The following BEND3 variants were observed in gnomAD, a reference collection of about 807,000 sequenced individuals.
The protein encoded by BEND3 is BEN domain containing 3.
BEND3 carries 13 observed loss-of-function variants against 60.1 expected under a neutral mutation model. That is an observed-to-expected ratio of 0.22 (90% CI 0.14 to 0.34). The LOEUF is 0.34. Among genes scored for constraint, BEND3 ranks in the 10% least tolerant of loss-of-function variants. BEND3 has a pLI of 1.00. For synonymous variants in BEND3, 497 were observed against 491.5 expected (o/e 1.01, Z -0.15); for missense variants, 896 against 1,138.1 (o/e 0.79, Z 3.06).
Position 107,068,278 on chromosome 6 carries a change from G to C in BEND3, c.*426C>G, listed in dbSNP as rs1554231132. The C allele has an allele frequency of 6.4e-6, 1 of 156,848 alleles. No homozygotes were observed. The highest frequency in any genetic ancestry group is 6.4e-5 in the Admixed American group (1 of 15,574). 9.7% of individuals were successfully genotyped at this position (156,848 alleles called of 1,614,324 possible). ...TAAAATGGCCCCCAAAGAGCCCAATGATTTTTTTTAAGGGTTTCTTTTTAA... is the reference window on the plus strand; with the variant it reads ...TAAAATGGCCCCCAAAGAGCCCAATCATTTTTTTTAAGGGTTTCTTTTTAA... On this transcript the variant is annotated 3_prime_UTR_variant, in exon 4 of 4. Transcript: ENST00000369042. This position sits in a 1 kb window ranked among gnomAD's most constrained non-coding sequence, Gnocchi z 5.8.
intron 1 of BEND3, among the ~76,000 whole-genome samples, chr6:107,114,862 T>G (rs1415749554): frequency 6.7e-6 from 1 of 148,410 alleles, no homozygotes; most frequent in African/African-American, 2.4e-5. Context: ...CGCAGCACAA[T>G]GGGCGCGGCG....
intron 3 of BEND3, among the ~76,000 whole-genome samples, chr6:107,081,793 T>A (rs868969028): frequency 2.0e-4 from 30 of 150,072 alleles, no homozygotes; most frequent in African/African-American, 4.7e-4. Context: ...AAAAAAAAAA[T>A]AAATAAAGGA....
At chr6:107,106,813 G>A (rs1368515600) in intron 1 of BEND3, among the ~76,000 whole-genome samples, 1 of 152,034 alleles carries the variant, frequency 6.6e-6, no homozygotes, top group Non-Finnish European at 1.5e-5. Flanking sequence ...TCCAGGTGTT[G>A]CCCAAAATGG....
In BEND3 at chr6:107,066,826, G is replaced by A. The variant is rs1434841421; in HGVS notation, c.*1878C>T. On this transcript the variant is annotated 3_prime_UTR_variant, in exon 4 of 4. Coordinates refer to ENST00000369042, the MANE Select transcript of BEND3 (RefSeq NM_001367314.1). ...GACTAAGGCATAGAGAAGGGCCCAAGCGAGGGGGGAAAGTGAGTCTCCTGG... is the reference window on the plus strand; with the variant it reads ...GACTAAGGCATAGAGAAGGGCCCAAACGAGGGGGGAAAGTGAGTCTCCTGG... 6.6e-6 allele frequency: 1 copy of A among 152,662 alleles called. No individual in the cohort carries two copies. Among genetic ancestry groups the A allele is most frequent in the Non-Finnish European group, 1.5e-5 (1 of 68,066 alleles). 9.5% of individuals were successfully genotyped at this position (152,662 alleles called of 1,614,324 possible).
In BEND3 at chr6:107,098,845, G is replaced by A. The variant is rs1368905209; in HGVS notation, c.38-92C>T. 23 of 1,034,422 alleles carry A rather than the reference G, an allele frequency of 2.2e-5. No individual in the cohort carries two copies. In the Admixed American group the frequency reaches 2.4e-4, roughly 11 times the overall value. The allele number at this position is 1,034,422 out of a possible 1,614,324, so 64.1% of individuals were successfully genotyped here. ...CTGAGCAGCAGGGTGTCTGTGGGCCGCCCTTTGACACCAGTGCTGAGATAA... is the reference window on the plus strand; with the variant it reads ...CTGAGCAGCAGGGTGTCTGTGGGCCACCCTTTGACACCAGTGCTGAGATAA... On this transcript the variant is annotated intron_variant, in intron 2 of 3. Transcript: ENST00000369042.
At position 107,073,237 on chromosome 6, in the gene BEND3, ATATATATATATATATATATATATATATG is replaced by A. The variant is rs1258846071; in HGVS notation, c.241-2315_241-2288del. On this transcript the variant is annotated intron_variant, in intron 3 of 3. Coordinates refer to ENST00000369042, the MANE Select transcript of BEND3 (RefSeq NM_001367314.1). ...TATATATATATATATATATATATATATATATATATATATATATATATATATATGTATGTGAGCAAATGGTCAGTGGCAA... is the reference window on the plus strand; with the variant it reads ...TATATATATATATATATATATATATATATGTGAGCAAATGGTCAGTGGCAA... 3.4e-3 allele frequency among the ~76,000 whole-genome samples: 56 copies of A among 16,620 alleles called. 3 individuals carry two copies. The highest frequency in any genetic ancestry group is 5.6e-3 in the Non-Finnish European group (31 of 5,508). 10.9% of individuals were successfully genotyped at this position (16,620 alleles called of 152,430 possible).
chr6:107,070,953 G>A lies in BEND3; in HGVS notation c.241-3C>T. On this transcript the variant is annotated splice_region_variant and splice_polypyrimidine_tract_variant and intron_variant, in intron 3 of 3. Transcript: ENST00000369042. This position sits in a 1 kb window ranked among gnomAD's most constrained non-coding sequence, Gnocchi z 6.9. The stretch of plus-strand genomic sequence containing the variant: ...TTCCGCATGCCTGCTAGGAGAGCCT[G>A]CAAAACAAAAATCATTTCCCAGAGT... The A allele has an allele frequency of 1.3e-6, 2 of 1,598,394 alleles. No individual in the cohort carries two copies. The highest frequency in any genetic ancestry group is 1.7e-6 in the Non-Finnish European group (2 of 1,172,718).
chr6:107,083,534 G>A (rs770640826), intron 3 of BEND3, among the ~76,000 whole-genome samples: 33 of 152,094 alleles, frequency 2.2e-4, no homozygotes, highest in Non-Finnish European at 2.9e-4. Context: ...ATATTTGGGA[G>A]GCTGAGGTGG....
intron 3 of BEND3, among the ~76,000 whole-genome samples, chr6:107,090,867 T>G (rs1480662199): frequency 2.0e-5 from 3 of 151,958 alleles, no homozygotes; most frequent in Admixed American, 6.6e-5. Context: ...TCCCAGCACT[T>G]TGGAAGGCAG....
chr6:107,069,716 T>G lies in BEND3; in HGVS notation c.1475A>C (p.Asp492Ala), dbSNP rs1554231577. The G allele has an allele frequency of 6.2e-7, 1 of 1,609,312 alleles. No homozygotes were observed. Among genetic ancestry groups the G allele is most frequent in the South Asian group, 1.1e-5 (1 of 90,988 alleles). ...GLGLDAGSEG[D>A]PPRDDCYDSS... The stretch of plus-strand genomic sequence containing the variant: ...GTCGTAGCAGTCATCACGCGGGGGG[T>G]CGCCTTCACTGCCCGCGTCCAGCCC... The change falls in exon 4 of 4, where the codon GAC (aspartate) becomes GCC (alanine). Residue 492 changes from aspartate to alanine, a missense_variant. This residue lies in a region of BEND3 where 846 missense variants were observed against 1,036.7 expected (regional missense o/e 0.82). Coordinates refer to ENST00000369042, the MANE Select transcript of BEND3 (RefSeq NM_001367314.1).
At chr6:107,085,887 C>T (rs1224936920) in intron 3 of BEND3, among the ~76,000 whole-genome samples, 5 of 151,276 alleles carry the variant, frequency 3.3e-5, no homozygotes, top group Non-Finnish European at 7.4e-5. Context: ...CCTGAGTTCA[C>T]GCCATTCTCC....
At chr6:107,082,708 C>A (rs1252154305) in intron 3 of BEND3, among the ~76,000 whole-genome samples, 1 of 152,152 alleles carries the variant, frequency 6.6e-6, no homozygotes, top group Admixed American at 6.5e-5. Flanking sequence ...GGATTACAGG[C>A]GTGAGCAACC....
chr6:107,090,810 C>G (rs1354552109), intron 3 of BEND3, among the ~76,000 whole-genome samples: 1 of 151,622 alleles, frequency 6.6e-6, no homozygotes, highest in African/African-American at 2.4e-5. Flanking sequence ...AATTAACATG[C>G]TAAAAAAAGA....
In BEND3 at chr6:107,070,201, G is replaced by C. The variant is rs782276998; in HGVS notation, c.990C>G (p.Pro330=). 1 of 1,612,646 alleles carries C rather than the reference G, an allele frequency of 6.2e-7. No homozygotes were observed. Among genetic ancestry groups the C allele is most frequent in the Non-Finnish European group, 8.5e-7 (1 of 1,179,892 alleles). Residue 330 remains proline (P), a synonymous_variant, in exon 4 of 4, where the codon CCC becomes CCG. Coordinates refer to ENST00000369042, the MANE Select transcript of BEND3 (RefSeq NM_001367314.1). This position sits in a 1 kb window ranked among gnomAD's most constrained non-coding sequence, Gnocchi z 6.9. ...AGCGGCTGAAGAAGTCGTTCAGCTG[G>C]GGCAGGCACTCGGCCTGCCACACAG... ...DTAVWQAECL[P]QLNDFFSRFW...
In BEND3 at chr6:107,066,789, A is replaced by G. The variant is rs1774841133; in HGVS notation, c.*1915T>C. 3 of 152,558 alleles carry G rather than the reference A, an allele frequency of 2.0e-5. No individual in the cohort carries two copies. The highest frequency in any genetic ancestry group is 1.3e-4 in the Admixed American group (2 of 15,262). The allele number at this position is 152,558 out of a possible 1,614,324, so 9.5% of individuals were successfully genotyped here. On this transcript the variant is annotated 3_prime_UTR_variant, in exon 4 of 4. Transcript: ENST00000369042. ...GTGCGTGTGTGTGCATGCTGTGTGC[A>G]TGTGCTGGAGAGACTAAGGCATAGA...
At chr6:107,113,367 G>A (rs1370473518) in intron 1 of BEND3, among the ~76,000 whole-genome samples, 1 of 151,038 alleles carries the variant, frequency 6.6e-6, no homozygotes, top group Non-Finnish European at 1.5e-5. Flanking sequence ...GAACCCGGGA[G>A]GCAGACGTTG....
intron 2 of BEND3, among the ~76,000 whole-genome samples, 165 bp from the exon 3 acceptor site, chr6:107,098,918 A>C (rs891211363): frequency 2.0e-5 from 3 of 152,292 alleles, no homozygotes; most frequent in Admixed American, 6.5e-5. Flanking sequence ...TGCAATCTTT[A>C]TCTCACCGCA....
chr6:107,073,064 T>G (rs1374406982), intron 3 of BEND3, among the ~76,000 whole-genome samples: 1 of 151,510 alleles, frequency 6.6e-6, no homozygotes, highest in Non-Finnish European at 1.5e-5. Context: ...AGAGAAATGT[T>G]AATTCTTCTC....
intron 3 of BEND3, among the ~76,000 whole-genome samples, chr6:107,083,108 T>A (rs1041930609): frequency 6.6e-6 from 1 of 152,166 alleles, no homozygotes; most frequent in Non-Finnish European, 1.5e-5. Context: ...AGGAAAAGGA[T>A]AATAAAATAT....
Sources: gnomAD v4.1 joint callset for allele counts (sites outside exome capture counted in the v4.1 genomes callset) on GRCh38, gnomAD v4.1.1 for gene constraint, gnomAD v4.1.1 regional missense constraint, Gnocchi (gnomAD v3.1) non-coding constraint, MANE v1.5 for transcripts, NCBI Gene and HGNC (gene_info 2026-07-23, HGNC 2026-07-21) for gene names.